Variants in TCF7L2 observed in about 807,000 individuals in gnomAD.
TCF7L2 encodes transcription factor 7 like 2.
TCF7L2 carries 23 observed loss-of-function variants against 77.9 expected under a neutral mutation model. That is an observed-to-expected ratio of 0.30 (90% CI 0.21 to 0.42). The LOEUF (loss-of-function observed/expected upper bound fraction) is 0.42, where lower values mean the gene tolerates loss of function less well. TCF7L2 is among the 10% of genes least tolerant of loss of function. The probability of loss-of-function intolerance (pLI) is 1.00; values close to 1 mark genes in which losing one functional copy is unlikely to be tolerated. For synonymous variants in TCF7L2, 413 were observed against 340.2 expected, an observed-to-expected ratio of 1.21 and a Z score of -2.36; for missense variants, 654 against 793.1, an observed-to-expected ratio of 0.82 and a Z score of 2.11.
At chr10:113,019,399 G>GC (rs2047916987) in intron 4 of TCF7L2, among the ~76,000 whole-genome samples, 2 of 152,126 alleles carry the variant, frequency 1.3e-5, no homozygotes. Flanking sequence ...TGGGGGGGTG[G>GC]CCCATGAGTC....
chr10:113,034,712 A>T (rs746672540), intron 4 of TCF7L2, among the ~76,000 whole-genome samples: 3 of 152,112 alleles, frequency 2.0e-5, no homozygotes, highest in Non-Finnish European at 4.4e-5. Context: ...CCTGACCAAC[A>T]TGGTAAAACC....
chr10:113,090,718 G>A (rs60584967), intron 5 of TCF7L2, among the ~76,000 whole-genome samples: 6 of 152,098 alleles, frequency 3.9e-5, no homozygotes, highest in East Asian at 1.9e-4. Flanking sequence ...CAAGCGATTC[G>A]CCTGCCTCAG....
intron 4 of TCF7L2, among the ~76,000 whole-genome samples, chr10:113,036,358 A>G (rs11196199): frequency 0.14 from 22,001 of 151,850 alleles, 1,698 homozygotes; most frequent in Non-Finnish European, 0.16. Context: ...TGCTAAGACT[A>G]TTTCCTAAAG....
At chr10:112,961,125 TG>T (rs1255712076) in intron 3 of TCF7L2, among the ~76,000 whole-genome samples, 1 of 152,148 alleles carries the variant, frequency 6.6e-6, no homozygotes, top group African/African-American at 2.4e-5. Flanking sequence ...GCGATTCTCC[TG>T]CCTCAGCCTC....
At chr10:113,110,136 T>C (rs1353314963) in intron 5 of TCF7L2, among the ~76,000 whole-genome samples, 1 of 152,222 alleles carries the variant, frequency 6.6e-6, no homozygotes, top group Non-Finnish European at 1.5e-5. Context: ...TTTGGGAAGC[T>C]CTTCTGTTAG....
intron 4 of TCF7L2, among the ~76,000 whole-genome samples, chr10:113,023,871 T>A (rs925874146): frequency 6.6e-6 from 1 of 151,820 alleles, no homozygotes; most frequent in African/African-American, 2.4e-5. Context: ...GGTTTCACCA[T>A]GTTGGCCAGG....
At chr10:112,978,382 A>G (rs935940711) in intron 4 of TCF7L2, among the ~76,000 whole-genome samples, 1 of 152,080 alleles carries the variant, frequency 6.6e-6, no homozygotes, top group Non-Finnish European at 1.5e-5. Context: ...TGTTTTCTGT[A>G]CCTCAAACTC....
At chr10:112,977,174 T>C (rs183686421) in intron 4 of TCF7L2, among the ~76,000 whole-genome samples, 107 of 152,262 alleles carry the variant, frequency 7.0e-4, no homozygotes, top group South Asian at 1.5e-3. Flanking sequence ...TCCCAGATTT[T>C]TGAGGTTGAG....
rs78203857 is a variant in TCF7L2 at position 113,070,613 on chromosome 10, A to G, written c.552+30487A>G. 5.1e-3 allele frequency among the ~76,000 whole-genome samples: 782 copies of G among 152,292 alleles called. 47 individuals are homozygous for G. In the East Asian group the frequency reaches 0.12, roughly 24 times the overall value. On this transcript the variant is annotated intron_variant, in intron 5 of 13. Coordinates refer to ENST00000627217, the MANE Select transcript of TCF7L2 (RefSeq NM_001146274.2). ...CTCGTGACATTTTGGAGTAGATACT[A>G]TCATCCCCACAGAAGGTACTGAAGT...
At chr10:113,017,377 A>T (rs2047516638) in intron 4 of TCF7L2, among the ~76,000 whole-genome samples, 1 of 104,900 alleles carries the variant, frequency 9.5e-6, no homozygotes, top group Admixed American at 7.9e-5. Context: ...GAAACAAATG[A>T]CCAGTGGTGG....
intron 5 of TCF7L2, among the ~76,000 whole-genome samples, chr10:113,049,826 T>C (rs1160338599): frequency 2.0e-5 from 3 of 152,200 alleles, no homozygotes; most frequent in Non-Finnish European, 4.4e-5. Context: ...TAGATGCCAC[T>C]AAGCCCAGGC....
rs114082619 is a variant in TCF7L2 at position 113,007,851 on chromosome 10, G to A, written c.451-32174G>A. On this transcript the variant is annotated intron_variant, in intron 4 of 13. Coordinates refer to ENST00000627217, the MANE Select transcript of TCF7L2 (RefSeq NM_001146274.2). ...CTGAAGTTATCCTTGCCCCGATTCC[G>A]GGACTTGCTATCTGCCTGCCTTTTG... 4.0e-3 allele frequency among the ~76,000 whole-genome samples: 612 copies of A among 152,318 alleles called. 3 individuals are homozygous for A. The highest frequency in any genetic ancestry group is 0.014 in the African/African-American group (572 of 41,574).
At chr10:113,152,106 G>C (rs777377644) in intron 10 of TCF7L2, among the ~76,000 whole-genome samples, 3 of 152,194 alleles carry the variant, frequency 2.0e-5, no homozygotes, top group Non-Finnish European at 4.4e-5. Flanking sequence ...CCGAGCGAGT[G>C]AGCAAATGAC....
At chr10:113,017,635 A>G (rs1004130394) in intron 4 of TCF7L2, among the ~76,000 whole-genome samples, 5 of 152,194 alleles carry the variant, frequency 3.3e-5, no homozygotes, top group South Asian at 2.1e-4. Context: ...CTCTCTGGTC[A>G]CCGCAGACTT....
chr10:113,013,325 C>A (rs2046785031), intron 4 of TCF7L2, among the ~76,000 whole-genome samples: 1 of 152,098 alleles, frequency 6.6e-6, no homozygotes, highest in Non-Finnish European at 1.5e-5. Flanking sequence ...CACCATGTTG[C>A]CCAGGCTAGT....
intron 3 of TCF7L2, chr10:112,951,840 G>A (rs546001457): frequency 6.3e-6 from 1 of 157,848 alleles, no homozygotes; most frequent in Non-Finnish European, 1.4e-5. Flanking sequence ...TCAGTTTGCT[G>A]CCTCGTGATG....
intron 5 of TCF7L2, among the ~76,000 whole-genome samples, chr10:113,084,472 G>T (rs1368041594): frequency 6.6e-6 from 1 of 152,226 alleles, no homozygotes; most frequent in African/African-American, 2.4e-5. Flanking sequence ...ATGGGCTGAG[G>T]CCTGCTCACA....
intron 3 of TCF7L2, among the ~76,000 whole-genome samples, chr10:112,958,902 A>G (rs1388906374): frequency 2.0e-5 from 3 of 152,162 alleles, no homozygotes; most frequent in Non-Finnish European, 2.9e-5. Flanking sequence ...TAAGTGGAGT[A>G]ATGATGGGGC....
chr10:113,097,649 A>AGG (rs2061162828), intron 5 of TCF7L2, among the ~76,000 whole-genome samples: 1 of 108,656 alleles, frequency 9.2e-6, no homozygotes, highest in African/African-American at 3.5e-5. Context: ...TGTCTCGGAA[A>AGG]AAAAAAAAAA....
Sources: gnomAD v4.1 joint callset for allele counts (sites outside exome capture counted in the v4.1 genomes callset) on GRCh38, gnomAD v4.1.1 for gene constraint, MANE v1.5 for transcripts, NCBI Gene and HGNC (gene_info 2026-07-23, HGNC 2026-07-21) for gene names.